CORO2A: variants seen among roughly 807,000 people sequenced by gnomAD.
The protein encoded by CORO2A is coronin 2A.
CORO2A carries 47 observed loss-of-function variants against 62.4 expected under a neutral mutation model. The ratio of observed to expected loss-of-function variants is 0.75; its 90% confidence interval spans 0.60 to 0.96. The LOEUF is 0.96. Ranked by LOEUF, CORO2A falls within the 40% of genes least tolerant of loss-of-function variation. The probability of loss-of-function intolerance (pLI) is 0.00; values close to 1 mark genes in which losing one functional copy is unlikely to be tolerated. For missense variants in CORO2A, 610 were observed against 684.1 expected (o/e 0.89, Z 1.21); for synonymous variants, 273 against 268.9 (o/e 1.02, Z -0.15).
At position 98,122,166 on chromosome 9, in the gene CORO2A, G is replaced by T. The variant is rs1362195154; in HGVS notation, c.*2608C>A. ...CACCAGGCAGGACTTAAGAGATCTG[G>T]GTTGAGTCCCAGCTCCTGTCTGGAG... On this transcript the variant is annotated 3_prime_UTR_variant, in exon 12 of 12. Transcript: ENST00000375077. 6.6e-6 allele frequency: 1 copy of T among 152,136 alleles called. No individual in the cohort carries two copies. The highest frequency in any genetic ancestry group is 1.5e-5 in the Non-Finnish European group (1 of 68,038). 9.4% of individuals were successfully genotyped at this position (152,136 alleles called of 1,614,324 possible).
Position 98,150,323 on chromosome 9 carries a change from GC to G in CORO2A, c.201+7136del, listed in dbSNP as rs563225863. Among the ~76,000 whole-genome samples the G allele has an allele frequency of 5.5e-4, 83 of 152,076 alleles. 1 individual carries two copies. The South Asian group carries it at 0.016, about 29-fold the overall frequency. On this transcript the variant is annotated intron_variant, in intron 2 of 11. Transcript: ENST00000375077. Reference sequence around the variant, plus strand: ...GGCTTACGACGCCTTCACAGTCCAGGCCCTACTCCCCAATCTGACCTCACCT... The same window carrying G: ...GGCTTACGACGCCTTCACAGTCCAGGCCTACTCCCCAATCTGACCTCACCT...
intron 2 of CORO2A, among the ~76,000 whole-genome samples, chr9:98,150,303 AC>A (rs1304883723): frequency 6.6e-6 from 1 of 151,992 alleles, no homozygotes; most frequent in Non-Finnish European, 1.5e-5. Context: ...GCCTGGGCTT[AC>A]GACGCCTTCA....
intron 2 of CORO2A, among the ~76,000 whole-genome samples, chr9:98,144,069 G>T (rs902139278): frequency 4.0e-5 from 6 of 151,826 alleles, no homozygotes; most frequent in Non-Finnish European, 7.4e-5. Flanking sequence ...CACACCTGTG[G>T]TCCCAGCTAC....
intron 1 of CORO2A, among the ~76,000 whole-genome samples, chr9:98,160,228 G>C (rs1019469002): frequency 3.3e-5 from 5 of 152,122 alleles, no homozygotes; most frequent in African/African-American, 1.2e-4. Context: ...TTCCAGAAAG[G>C]ATTTAAGAAG....
intron 2 of CORO2A, among the ~76,000 whole-genome samples, chr9:98,137,919 TG>T (rs1469235647): frequency 1.3e-5 from 2 of 152,216 alleles, no homozygotes; most frequent in Non-Finnish European, 2.9e-5. Context: ...TTTCACAGGT[TG>T]GTGTGAGGAT....
intron 1 of CORO2A, among the ~76,000 whole-genome samples, chr9:98,173,680 C>T (rs912396175): frequency 5.3e-5 from 8 of 152,226 alleles, no homozygotes; most frequent in Admixed American, 2.0e-4. Flanking sequence ...TGTCCCATAA[C>T]AGCTTCGCAG....
chr9:98,139,430 C>A (rs1431386088), intron 2 of CORO2A, among the ~76,000 whole-genome samples: 1 of 152,124 alleles, frequency 6.6e-6, no homozygotes, highest in African/African-American at 2.4e-5. Flanking sequence ...GAGTTTGAGA[C>A]CAGCCTGGTC....
chr9:98,127,916 C>A (rs890729299), intron 10 of CORO2A, among the ~76,000 whole-genome samples: 2 of 151,806 alleles, frequency 1.3e-5, no homozygotes, highest in African/African-American at 4.8e-5. Context: ...CCCCACATAG[C>A]CCCAGAGTGT....
chr9:98,161,190 G>A (rs10118043), intron 1 of CORO2A, among the ~76,000 whole-genome samples: 40,868 of 152,044 alleles, frequency 0.27, 5,598 homozygotes, highest in Non-Finnish European at 0.3. Flanking sequence ...GGCCACAGAG[G>A]AGGAGGCAGG....
chr9:98,140,180 T>G (rs1479699457), intron 2 of CORO2A, among the ~76,000 whole-genome samples: 1 of 152,160 alleles, frequency 6.6e-6, no homozygotes, highest in African/African-American at 2.4e-5. Context: ...CCCAGCCATT[T>G]TTATATCTAA....
chr9:98,174,118 C>A (rs1205108807), intron 1 of CORO2A, among the ~76,000 whole-genome samples: 1 of 149,912 alleles, frequency 6.7e-6, no homozygotes, highest in African/African-American at 2.5e-5. Flanking sequence ...CCCGCCCACC[C>A]CCCACCGCCA....
chr9:98,153,253 C>T (rs1250459841), intron 2 of CORO2A, among the ~76,000 whole-genome samples: 2 of 151,998 alleles, frequency 1.3e-5, no homozygotes, highest in African/African-American at 2.4e-5. Context: ...GCACCCGCTA[C>T]CACACCTGGC....
intron 1 of CORO2A, among the ~76,000 whole-genome samples, chr9:98,169,242 C>G (rs1022062759): frequency 1.1e-4 from 16 of 152,342 alleles, no homozygotes; most frequent in African/African-American, 3.8e-4. Flanking sequence ...AGCACAGATG[C>G]ATCTCTGCAG....
At chr9:98,168,159 G>C (rs1374337633) in intron 1 of CORO2A, among the ~76,000 whole-genome samples, 1 of 152,182 alleles carries the variant, frequency 6.6e-6, no homozygotes, top group Non-Finnish European at 1.5e-5. Context: ...AGTCACACTA[G>C]CAACATTTCA....
chr9:98,154,329 G>GTGTA (rs1439685527), intron 2 of CORO2A, among the ~76,000 whole-genome samples: 11 of 88,944 alleles, frequency 1.2e-4, no homozygotes, highest in East Asian at 3.5e-4. Context: ...GTGTTTGTGT[G>GTGTA]TATATATATA....
chr9:98,124,611 G>C lies in CORO2A; in HGVS notation c.*163C>G. On this transcript the variant is annotated 3_prime_UTR_variant, in exon 12 of 12. Transcript: ENST00000375077. ...GTTGCAAGAAGGCAAACAGAAAAAC[G>C]GCACCATGTCCCACTGGAATCTCTT... is the stretch of plus-strand genomic sequence containing the variant. 1.5e-6 allele frequency: 1 copy of C among 658,180 alleles called. No homozygotes were observed. Among genetic ancestry groups the C allele is most frequent in the Non-Finnish European group, 2.3e-6 (1 of 437,222 alleles). 40.8% of individuals were successfully genotyped at this position (658,180 alleles called of 1,614,324 possible).
rs142862966 is a variant in CORO2A at position 98,137,659 on chromosome 9, T to C, written c.231A>G (p.Lys77=). The C allele has an allele frequency of 2.2e-4, 355 of 1,614,208 alleles. No individual in the cohort carries two copies. In the African/African-American group the frequency reaches 4.0e-3, roughly 18 times the overall value. Residue 77 remains lysine (K), a synonymous_variant, in exon 3 of 12, where the codon AAA becomes AAG. Transcript: ENST00000375077. ...AAACGTTGCCTCTGTGCCCGCAGAC[T>C]TTTGGGTAGTGGGGGTCCAACTTCC... ...QTGKLDPHYP[K]VCGHRGNVLD... is the part of the protein sequence containing the mutation.
At chr9:98,145,910 G>A (rs1326308675) in intron 2 of CORO2A, among the ~76,000 whole-genome samples, 3 of 152,138 alleles carry the variant, frequency 2.0e-5, no homozygotes, top group Admixed American at 6.5e-5. Context: ...CAGGGTTTTG[G>A]TATGTTGGCC....
chr9:98,136,775 C>T (rs565016377), intron 3 of CORO2A, among the ~76,000 whole-genome samples: 1 of 152,322 alleles, frequency 6.6e-6, no homozygotes, highest in Non-Finnish European at 1.5e-5. Context: ...AGTGTGATGA[C>T]AGTTAGGAAT....
Sources: allele counts gnomAD v4.1 joint callset (sites outside exome capture counted in the v4.1 genomes callset), GRCh38; gene constraint gnomAD v4.1.1; transcripts MANE v1.5; gene names NCBI Gene and HGNC (gene_info 2026-07-23, HGNC 2026-07-21).